The following MIGA1 variants were observed in gnomAD, a reference collection of about 807,000 sequenced individuals.
MIGA1 encodes the protein family with sequence similarity 73, member A.
In MIGA1, 58 loss-of-function variants were observed where a neutral mutation model predicts 82.0. That is an observed-to-expected ratio of 0.71 (90% CI 0.57 to 0.88). The LOEUF (loss-of-function observed/expected upper bound fraction) is 0.88. Among genes scored for constraint, MIGA1 ranks in the 40% least tolerant of loss-of-function variants. The probability of loss-of-function intolerance (pLI) is 0.00; values close to 1 mark genes in which losing one functional copy is unlikely to be tolerated. For missense variants in MIGA1, 751 were observed against 749.1 expected, an observed-to-expected ratio of 1.00 and a Z score of -0.03; for synonymous variants, 249 against 253.6, an observed-to-expected ratio of 0.98 and a Z score of 0.17.
intron 7 of MIGA1, among the ~76,000 whole-genome samples, chr1:77,829,473 T>C (rs1348970527): frequency 6.6e-6 from 1 of 151,982 alleles, no homozygotes; most frequent in Non-Finnish European, 1.5e-5. Flanking sequence ...CTAGAAGTTT[T>C]GTTTGTTTGT....
chr1:77,779,777 G>C (rs1681814649), intron 1 of MIGA1, 41 bp downstream of exon 1: 2 of 1,518,596 alleles, frequency 1.3e-6, no homozygotes, highest in African/African-American at 2.8e-5. Context: ...AGGCGGGCGG[G>C]AGGAAGCGGA....
chr1:77,826,839 CTGT>C (rs1684045093), intron 7 of MIGA1, among the ~76,000 whole-genome samples: 2 of 150,990 alleles, frequency 1.3e-5, no homozygotes, highest in African/African-American at 4.9e-5. Flanking sequence ...GAGTCTTGTT[CTGT>C]TGCCCAGGCT....
chr1:77,782,778 A>G (rs1249223286), intron 1 of MIGA1: 2 of 642,396 alleles, frequency 3.1e-6, no homozygotes, highest in Non-Finnish European at 3.9e-6. Context: ...CAGTCAGTGA[A>G]CTCTGAGGTT....
At chr1:77,856,945 A>G (rs1361507868) in intron 8 of MIGA1, among the ~76,000 whole-genome samples, 2 of 151,152 alleles carry the variant, frequency 1.3e-5, no homozygotes, top group Non-Finnish European at 2.9e-5. Flanking sequence ...TTGTTTGTCT[A>G]GTTGCTTGAG....
At chr1:77,783,383 A>G (rs373055370) in intron 2 of MIGA1, 32 bp downstream of exon 2, 5 of 1,264,844 alleles carry the variant, frequency 4.0e-6, no homozygotes, top group Admixed American at 1.8e-5. Context: ...GAAGTTGAAT[A>G]TTAAGCTTAT....
chr1:77,779,705 GCAGGCCAGCTGTA>G lies in MIGA1; in HGVS notation c.52_64del (p.Arg18LeufsTer17), dbSNP rs1264107609. 6.3e-7 allele frequency: 1 copy of G among 1,588,596 alleles called. No individual in the cohort carries two copies. On this transcript the variant is annotated frameshift_variant, in exon 1 of 16. Transcript: ENST00000370791. LOFTEE classifies it high-confidence loss of function. Reference sequence around the variant, plus strand: ...GGCATCAGCTGGGAAGCTGGCGTGGGCAGGCCAGCTGTACCTGGCCTGGAGCTCCAGGTACAGG... The same window carrying G: ...GGCATCAGCTGGGAAGCTGGCGTGGGCCTGGCCTGGAGCTCCAGGTACAGG...
At chr1:77,846,319 C>T (rs1315779565) in intron 8 of MIGA1, among the ~76,000 whole-genome samples, 1 of 152,064 alleles carries the variant, frequency 6.6e-6, no homozygotes, top group Admixed American at 6.6e-5. Context: ...GATACCTTCC[C>T]ATTTTACTCC....
intron 7 of MIGA1, among the ~76,000 whole-genome samples, chr1:77,827,323 T>C (rs1232436012): frequency 1.3e-5 from 2 of 152,096 alleles, no homozygotes; most frequent in African/African-American, 2.4e-5. Context: ...AAAAATTCTC[T>C]GGAAGCTGGG....
At chr1:77,818,014 G>T (rs1014624345) in intron 7 of MIGA1, among the ~76,000 whole-genome samples, 10 of 147,464 alleles carry the variant, frequency 6.8e-5, no homozygotes, top group African/African-American at 1.3e-4. Flanking sequence ...GGAGTGCAGT[G>T]GTGTGATCTC....
At chr1:77,834,934 G>A (rs775382223) in intron 7 of MIGA1, among the ~76,000 whole-genome samples, 3 of 152,208 alleles carry the variant, frequency 2.0e-5, no homozygotes, top group East Asian at 3.8e-4. Flanking sequence ...CAATTGGCAG[G>A]CTTCCTCTTG....
intron 2 of MIGA1, among the ~76,000 whole-genome samples, chr1:77,783,770 C>A (rs1682023575): frequency 2.0e-5 from 3 of 152,106 alleles, no homozygotes; most frequent in Non-Finnish European, 4.4e-5. Flanking sequence ...CAAACAATAT[C>A]CAGAATTTTT....
rs1646887063 is a variant in MIGA1 at position 77,875,466 on chromosome 1, A to G, written c.*402A>G. On this transcript the variant is annotated 3_prime_UTR_variant, in exon 16 of 16. Transcript: ENST00000370791. ...TTGTGGCCCACACATGCAAGAATAT[A>G]TTACTTCTAATGTCAATATATTTAA... is the stretch of plus-strand genomic sequence containing the variant. 6.0e-6 allele frequency: 1 copy of G among 166,196 alleles called. No homozygotes were observed. The highest frequency in any genetic ancestry group is 1.6e-4 in the South Asian group (1 of 6,336). 10.3% of individuals were successfully genotyped at this position (166,196 alleles called of 1,614,324 possible).
chr1:77,811,341 A>G (rs1683319440), intron 5 of MIGA1: 4 of 1,606,724 alleles, frequency 2.5e-6, no homozygotes, highest in Admixed American at 3.3e-5. Flanking sequence ...TAGCAGGAAA[A>G]GAATCAGGAG....
chr1:77,800,180 T>C (rs946767508), intron 2 of MIGA1, among the ~76,000 whole-genome samples: 1 of 152,218 alleles, frequency 6.6e-6, no homozygotes, highest in Admixed American at 6.5e-5. Context: ...TTTGTAGGAC[T>C]CTTTCAGTAT....
intron 8 of MIGA1, among the ~76,000 whole-genome samples, chr1:77,844,178 G>C (rs1379472675): frequency 7.3e-6 from 1 of 136,954 alleles, no homozygotes; most frequent in Non-Finnish European, 1.6e-5. Context: ...AGATATATAT[G>C]TATATACACA....
At chr1:77,846,313 C>T (rs906282541) in intron 8 of MIGA1, among the ~76,000 whole-genome samples, 2 of 152,062 alleles carry the variant, frequency 1.3e-5, no homozygotes, top group African/African-American at 4.8e-5. Flanking sequence ...TGTTGGGATA[C>T]CTTCCCATTT....
intron 2 of MIGA1, among the ~76,000 whole-genome samples, chr1:77,795,538 T>G (rs1278082738): frequency 6.6e-6 from 1 of 152,042 alleles, no homozygotes; most frequent in Non-Finnish European, 1.5e-5. Context: ...TTCACCATGT[T>G]GCCCAGGCTG....
At chr1:77,857,547 G>C (rs998749868) in intron 8 of MIGA1, among the ~76,000 whole-genome samples, 1 of 151,828 alleles carries the variant, frequency 6.6e-6, no homozygotes, top group Admixed American at 6.6e-5. Flanking sequence ...GGATGTGGTG[G>C]TGCGTACCTG....
At chr1:77,857,725 TG>T (rs1171111609) in intron 8 of MIGA1, among the ~76,000 whole-genome samples, 1 of 137,764 alleles carries the variant, frequency 7.3e-6, no homozygotes, top group East Asian at 2.0e-4. Flanking sequence ...TCTGGGTTGT[TG>T]TTTTTTTTTT....
Sources: allele counts gnomAD v4.1 joint callset (sites outside exome capture counted in the v4.1 genomes callset), GRCh38; gene constraint gnomAD v4.1.1; transcripts MANE v1.5; gene names NCBI Gene and HGNC (gene_info 2026-07-23, HGNC 2026-07-21).